The following COPG2 variants were observed in gnomAD, a reference collection of about 807,000 sequenced individuals.
COPG2 encodes the protein coatomer subunit gamma-2.
A neutral mutation model predicts 46.3 loss-of-function variants in COPG2; 37 were observed. The ratio of observed to expected loss-of-function variants is 0.80; its 90% CI spans 0.61 to 1.05. COPG2 has a LOEUF of 1.05. Ranked by LOEUF, COPG2 falls within the 50% of genes least tolerant of loss-of-function variation. The pLI, the probability that COPG2 is intolerant of heterozygous loss-of-function variation, is 0.00. For missense variants in COPG2, 427 were observed against 387.8 expected (o/e 1.10, Z -0.85); for synonymous variants, 159 against 129.7 (o/e 1.23, Z -1.53).
chr7:130,666,845 A>G lies in COPG2; in HGVS notation c.171+4T>C. 2 of 1,344,816 alleles carry G rather than the reference A, an allele frequency of 1.5e-6. No homozygotes were observed. Among genetic ancestry groups the G allele is most frequent in the Non-Finnish European group, 2.1e-6 (2 of 952,068 alleles). 83.3% of individuals were successfully genotyped at this position (1,344,816 alleles called of 1,614,324 possible). On this transcript the variant is annotated splice_donor_region_variant and intron_variant, in intron 3 of 23. Coordinates refer to ENST00000425248, the MANE Select transcript of COPG2 (RefSeq NM_012133.6). ...CTTATCTGAGGAAAATAAAAATAAT[A>G]TACCTGGTTCAGTAAGTAAAGAATC... is the stretch of plus-strand genomic sequence containing the variant.
chr7:130,620,260 A>C (rs974875961), intron 5 of COPG2, among the ~76,000 whole-genome samples: 57 of 152,226 alleles, frequency 3.7e-4, no homozygotes, highest in African/African-American at 1.3e-3. Context: ...CCAGACACTT[A>C]GGATACTTTA....
At chr7:130,556,976 T>G (rs1175862801) in intron 12 of COPG2, among the ~76,000 whole-genome samples, 1 of 152,172 alleles carries the variant, frequency 6.6e-6, no homozygotes, top group Non-Finnish European at 1.5e-5. Context: ...TGCCACTATC[T>G]CCACAATTAT....
intron 20 of COPG2, among the ~76,000 whole-genome samples, chr7:130,527,871 T>C (rs1243084633): frequency 2.6e-5 from 4 of 152,060 alleles, no homozygotes; most frequent in African/African-American, 7.2e-5. Context: ...GTGGTGCAGC[T>C]GGGGTTTCCA....
At chr7:130,668,390 CGGGGCGCGCGCGGGCGCCGGGG>C (rs1334860363) in intron 1 of COPG2, among the ~76,000 whole-genome samples, 2 of 148,498 alleles carry the variant, frequency 1.3e-5, no homozygotes, top group East Asian at 4.0e-4. Context: ...GGGGCGGGAA[CGGGGCGCGCGCGGGCGCCGGGG>C]CGGGAGCGCG....
chr7:130,614,303 G>A (rs1794908394), intron 6 of COPG2, among the ~76,000 whole-genome samples: 1 of 152,028 alleles, frequency 6.6e-6, no homozygotes, highest in African/African-American at 2.4e-5. Context: ...CCAATGTAAT[G>A]CAAAAAATAA....
At chr7:130,575,924 A>G (rs782497732) in intron 9 of COPG2, among the ~76,000 whole-genome samples, 55 of 152,192 alleles carry the variant, frequency 3.6e-4, no homozygotes, top group Non-Finnish European at 6.2e-4. Flanking sequence ...AGCTATTCTT[A>G]TATCAGACAA....
chr7:130,635,444 T>C (rs992076475), intron 5 of COPG2, among the ~76,000 whole-genome samples: 1 of 152,000 alleles, frequency 6.6e-6, no homozygotes, highest in Non-Finnish European at 1.5e-5. Flanking sequence ...CTCGGGAGGG[T>C]GTGTGTGTCC....
intron 5 of COPG2, among the ~76,000 whole-genome samples, chr7:130,652,444 G>C (rs1795765959): frequency 6.6e-6 from 1 of 152,066 alleles, no homozygotes; most frequent in Admixed American, 6.5e-5. Context: ...TTTAATTTAT[G>C]TTTTTTGGTT....
At chr7:130,555,473 G>A (rs1400722903) in intron 12 of COPG2, among the ~76,000 whole-genome samples, 8 of 152,152 alleles carry the variant, frequency 5.3e-5, no homozygotes, top group African/African-American at 1.9e-4. Flanking sequence ...GAAGAATAGA[G>A]AAAGCTATCA....
chr7:130,624,510 C>T (rs1369998163), intron 5 of COPG2, among the ~76,000 whole-genome samples: 2 of 151,906 alleles, frequency 1.3e-5, no homozygotes, highest in East Asian at 3.9e-4. Flanking sequence ...TTTTAGTGCA[C>T]CCATCACCCA....
At chr7:130,662,841 T>C in intron 4 of COPG2, 126 bp downstream of exon 4, 2 of 660,744 alleles carry the variant, frequency 3.0e-6, no homozygotes, top group African/African-American at 3.7e-5. Flanking sequence ...ATTTATAAGT[T>C]TTATAAGCAG....
At chr7:130,515,106 T>C (rs1799668473) in intron 20 of COPG2, among the ~76,000 whole-genome samples, 1 of 152,134 alleles carries the variant, frequency 6.6e-6, no homozygotes, top group Non-Finnish European at 1.5e-5. Context: ...TGAATTCTTT[T>C]CCCCTCCCCC....
intron 9 of COPG2, among the ~76,000 whole-genome samples, chr7:130,590,153 C>A (rs1209368171): frequency 6.6e-6 from 1 of 151,992 alleles, no homozygotes; most frequent in Non-Finnish European, 1.5e-5. Context: ...ATGTAAGAGT[C>A]CAAATTTCTC....
chr7:130,535,652 T>G (rs1799872705), intron 20 of COPG2, among the ~76,000 whole-genome samples: 4 of 21,856 alleles, frequency 1.8e-4, no homozygotes, highest in South Asian at 1.4e-3. Context: ...GTGGAGGGGA[T>G]GGGGTTTGGG....
At chr7:130,540,306 GA>G (rs1418866977) in intron 20 of COPG2, among the ~76,000 whole-genome samples, 3 of 152,082 alleles carry the variant, frequency 2.0e-5, no homozygotes, top group African/African-American at 4.8e-5. Flanking sequence ...CTTGTAGGTC[GA>G]AAGGTCAAGG....
chr7:130,625,452 T>C lies in COPG2; in HGVS notation c.324-8387A>G, dbSNP rs572126877. Among the ~76,000 whole-genome samples the C allele has an allele frequency of 2.6e-5, 4 of 152,222 alleles. No individual in the cohort carries two copies. The East Asian group carries it at 5.8e-4, about 22-fold the overall frequency. On this transcript the variant is annotated intron_variant, in intron 5 of 23. Transcript: ENST00000425248. The stretch of plus-strand genomic sequence containing the variant: ...CAATGTTGAATAGCAGTGAAGATAA[T>C]GAACATCCTTGCTGTGGTTCCTGAT...
At chr7:130,568,147 T>C (rs1793834401) in intron 9 of COPG2, among the ~76,000 whole-genome samples, 1 of 152,058 alleles carries the variant, frequency 6.6e-6, no homozygotes, top group Non-Finnish European at 1.5e-5. Flanking sequence ...TGGTGGTGGA[T>C]GCCTGTAGTC....
intron 5 of COPG2, among the ~76,000 whole-genome samples, chr7:130,633,971 T>C (rs879999942): frequency 6.6e-6 from 1 of 152,218 alleles, no homozygotes; most frequent in Non-Finnish European, 1.5e-5. Context: ...ATTTATTAAA[T>C]AGGGAATCCT....
chr7:130,547,891 C>T (rs1793470635), intron 19 of COPG2, 46 bp from the exon 20 acceptor site: 2 of 398,434 alleles, frequency 5.0e-6, no homozygotes, highest in Non-Finnish European at 8.8e-6. Context: ...AACAAGTTAT[C>T]CTTCCTACTC....
Sources: gnomAD v4.1 joint callset for allele counts (sites outside exome capture counted in the v4.1 genomes callset) on GRCh38, gnomAD v4.1.1 for gene constraint, MANE v1.5 for transcripts, NCBI Gene and HGNC (gene_info 2026-07-23, HGNC 2026-07-21) for gene names.